Variants in TECPR2 observed in about 807,000 individuals in gnomAD.
The protein encoded by TECPR2 is tectonin beta-propeller repeat containing 2.
In TECPR2, 65 loss-of-function variants were observed where a neutral mutation model predicts 138.1. The observed-to-expected ratio is 0.47, with a 90% CI of 0.39 to 0.58. The LOEUF is 0.58. Among genes scored for constraint, TECPR2 ranks in the 20% least tolerant of loss-of-function variants. The pLI is 0.00. For missense variants in TECPR2, 1,553 were observed against 1,824.5 expected (o/e 0.85, Z 2.71); for synonymous variants, 746 against 749.8 (o/e 0.99, Z 0.08).
chr14:102,492,880 C>G (rs1029298646), intron 17 of TECPR2, among the ~76,000 whole-genome samples: 1 of 152,208 alleles, frequency 6.6e-6, no homozygotes, highest in Admixed American at 6.5e-5. Flanking sequence ...GGCGGAGGCT[C>G]ACATTAGGAG....
intron 17 of TECPR2, among the ~76,000 whole-genome samples, chr14:102,489,481 T>C (rs926524537): frequency 6.6e-6 from 1 of 151,310 alleles, no homozygotes; most frequent in Non-Finnish European, 1.5e-5. Context: ...CTAAGGTGGG[T>C]GGATCACAAG....
chr14:102,463,416 C>CAAAAAAAAAAAAAAAAAAAAAA, intron 16 of TECPR2, among the ~76,000 whole-genome samples: 1 of 38,532 alleles, frequency 2.6e-5, no homozygotes, highest in Non-Finnish European at 5.6e-5. Flanking sequence ...GACTCCGTCT[C>CAAAAAAAAAAAAAAAAAAAAAA]AAAAAAAAAA....
At chr14:102,496,768 C>A in intron 17 of TECPR2, 1 of 681,432 alleles carries the variant, frequency 1.5e-6, no homozygotes, top group Non-Finnish European at 2.4e-6. Context: ...CTGGGCTGTC[C>A]CTCAGTCTGG....
At chr14:102,407,298 T>C in intron 2 of TECPR2, 40 bp from the exon 3 acceptor site, 1 of 1,554,736 alleles carries the variant, frequency 6.4e-7, no homozygotes, top group Non-Finnish European at 8.7e-7. Context: ...TTTCAAAGCC[T>C]GCATAGTTAC....
In TECPR2 at chr14:102,487,559, T is replaced by G. The variant is rs538633063; in HGVS notation, c.3790-9420T>G. 1.9e-4 allele frequency among the ~76,000 whole-genome samples: 29 copies of G among 152,326 alleles called. 2 individuals are homozygous for G. The East Asian group carries it at 5.6e-3, about 29-fold the overall frequency. ...CTTTTTCTTTTCTTTTCTTTTTTTTTGAGATGGAGTCTCGCTCTCTCCCCC... is the reference window on the plus strand; with the variant it reads ...CTTTTTCTTTTCTTTTCTTTTTTTTGGAGATGGAGTCTCGCTCTCTCCCCC... On this transcript the variant is annotated intron_variant, in intron 17 of 19. Coordinates refer to ENST00000359520, the MANE Select transcript of TECPR2 (RefSeq NM_014844.5).
intron 1 of TECPR2, among the ~76,000 whole-genome samples, chr14:102,364,394 G>C (rs1369510483): frequency 2.6e-5 from 4 of 152,220 alleles, no homozygotes; most frequent in African/African-American, 7.2e-5. Context: ...TCGTGTGCCA[G>C]CACTGTGCCA....
In TECPR2 at chr14:102,462,570, G is replaced by T. The variant is rs199787223; in HGVS notation, c.3641-2571G>T. 5.9e-5 allele frequency among the ~76,000 whole-genome samples: 9 copies of T among 152,236 alleles called. No homozygotes were observed. The East Asian group carries it at 1.5e-3, about 26-fold the overall frequency. ...ATGCCTCTGTGTTTTGCTACACTCC[G>T]TGGGCTGTCATCTGATACCAGTGAC... is the stretch of plus-strand genomic sequence containing the variant. On this transcript the variant is annotated intron_variant, in intron 16 of 19. Coordinates refer to ENST00000359520, the MANE Select transcript of TECPR2 (RefSeq NM_014844.5).
chr14:102,425,810 G>A (rs1324131158), intron 6 of TECPR2, among the ~76,000 whole-genome samples: 5 of 151,188 alleles, frequency 3.3e-5, no homozygotes, highest in Non-Finnish European at 5.9e-5. Context: ...TCCTGACCTC[G>A]TGATCTGCCC....
chr14:102,476,495 A>C, intron 17 of TECPR2, among the ~76,000 whole-genome samples: 1 of 152,204 alleles, frequency 6.6e-6, no homozygotes, highest in East Asian at 1.9e-4. Context: ...TTGCAGAAGA[A>C]AAGACTAGTG....
At chr14:102,387,622 T>A (rs142410445) in intron 2 of TECPR2, among the ~76,000 whole-genome samples, 1 of 151,480 alleles carries the variant, frequency 6.6e-6, no homozygotes, top group Non-Finnish European at 1.5e-5. Context: ...TGCCTCCCGG[T>A]TTCACATCAT....
At chr14:102,428,215 G>GTTTTTTTTTATTTTTTTT in intron 6 of TECPR2, 35 bp from the exon 7 acceptor site, 1 of 1,309,498 alleles carries the variant, frequency 7.6e-7, no homozygotes, top group Non-Finnish European at 9.9e-7. Flanking sequence ...TTAGTTTTGT[G>GTTTTTTTTTATTTTTTTT]TTTTTTGTTT....
chr14:102,455,650 G>A (rs78278734), intron 16 of TECPR2, among the ~76,000 whole-genome samples: 2,130 of 150,060 alleles, frequency 0.014, 141 homozygotes, highest in Admixed American at 0.11. Context: ...TCGCTCTGTC[G>A]CCCAGGCTGG....
intron 9 of TECPR2, 72 bp downstream of exon 9, chr14:102,435,283 T>G: frequency 6.7e-7 from 1 of 1,498,198 alleles, no homozygotes. Context: ...CAAGACTGAT[T>G]ATTTTCCTTC....
intron 15 of TECPR2, 99 bp downstream of exon 15, chr14:102,450,748 A>G (rs1890118734): frequency 2.4e-6 from 3 of 1,244,930 alleles, no homozygotes; most frequent in East Asian, 2.5e-5. Flanking sequence ...GTTATGGGGC[A>G]TGCCTCGGAG....
chr14:102,364,574 A>ATAT (rs1171967196), intron 1 of TECPR2, among the ~76,000 whole-genome samples: 1 of 152,248 alleles, frequency 6.6e-6, no homozygotes, highest in Non-Finnish European at 1.5e-5. Flanking sequence ...GGTGGGGAAG[A>ATAT]TGGAATGAGG....
chr14:102,415,480 G>A lies in TECPR2; in HGVS notation c.638+687G>A, dbSNP rs1456225244. 6.6e-6 allele frequency among the ~76,000 whole-genome samples: 1 copy of A among 152,112 alleles called. No individual in the cohort carries two copies. Among genetic ancestry groups the A allele is most frequent in the Non-Finnish European group, 1.5e-5 (1 of 68,030 alleles). ...ACCAGCCGTGTGGGAAAAGACAACT[G>A]GAACACCTGGGGAACCTGTAATTCA... On this transcript the variant is annotated intron_variant, in intron 5 of 19. Coordinates refer to ENST00000359520, the MANE Select transcript of TECPR2 (RefSeq NM_014844.5). This position sits in a 1 kb window ranked among gnomAD's most constrained non-coding sequence, Gnocchi z 4.3.
Position 102,376,841 on chromosome 14 carries a change from C to T in TECPR2, c.120C>T (p.Ala40=), listed in dbSNP as rs777258630. 3.7e-6 allele frequency: 6 copies of T among 1,614,024 alleles called. No homozygotes were observed. The highest frequency in any genetic ancestry group is 1.3e-5 in the African/African-American group (1 of 74,906). ...GCTCTATCGTGGTCTATCTCACGGC[C>T]CTCGACACCAACGGGGACTACATCG... ...GFRSIVVYLT[A]LDTNGDYIAV... is the part of the protein sequence containing the mutation. Residue 40 remains alanine (A), a synonymous_variant, in exon 2 of 20, where the codon GCC becomes GCT. Transcript: ENST00000359520.
Position 102,431,830 on chromosome 14 carries a change from G to A in TECPR2, c.1119G>A (p.Glu373=), listed in dbSNP as rs772876192. ...RDGLEMSGCS[E]RVHVQQAEKL... ...GTCTGGAGATGTCTGGATGCTCAGA[G>A]CGTGTCCACGTGCAGCAAGCGGAGA... is the stretch of plus-strand genomic sequence containing the variant. The change falls in exon 8 of 20, where the codon GAG becomes GAA. Residue 373 remains glutamate, a synonymous_variant. Coordinates refer to ENST00000359520, the MANE Select transcript of TECPR2 (RefSeq NM_014844.5). 4.4e-6 allele frequency: 7 copies of A among 1,593,006 alleles called. No homozygotes were observed. Among genetic ancestry groups the A allele is most frequent in the African/African-American group, 2.7e-5 (2 of 74,536 alleles).
intron 5 of TECPR2, among the ~76,000 whole-genome samples, chr14:102,424,584 T>G (rs1036432946): frequency 1.3e-5 from 2 of 152,240 alleles, no homozygotes; most frequent in Non-Finnish European, 2.9e-5. Context: ...ATCTGCCGTC[T>G]TGGCCTCCCA....
Sources: allele counts gnomAD v4.1 joint callset (sites outside exome capture counted in the v4.1 genomes callset), GRCh38; gene constraint gnomAD v4.1.1; non-coding constraint Gnocchi (gnomAD v3.1); transcripts MANE v1.5; gene names NCBI Gene and HGNC (gene_info 2026-07-23, HGNC 2026-07-21).